The following IST1 variants were observed in gnomAD, a reference collection of about 807,000 sequenced individuals.
IST1 encodes the protein IST1 homolog.
In IST1, 23 loss-of-function variants were observed where a neutral mutation model predicts 37.0. That is an observed-to-expected ratio of 0.62 (90% confidence interval 0.45 to 0.88). The LOEUF is 0.88. IST1 is among the 40% of genes least tolerant of loss of function. IST1 has a pLI of 0.00. For synonymous variants in IST1, 180 were observed against 161.7 expected, an observed-to-expected ratio of 1.11 and a Z score of -0.86; for missense variants, 488 against 445.4, an observed-to-expected ratio of 1.10 and a Z score of -0.86.
intron 1 of IST1, among the ~76,000 whole-genome samples, chr16:71,911,864 G>A (rs1052269253): frequency 4.0e-5 from 6 of 151,800 alleles, no homozygotes; most frequent in Admixed American, 2.0e-4. Context: ...CTACAGGCTC[G>A]CACCACCATG....
intron 1 of IST1, among the ~76,000 whole-genome samples, chr16:71,911,130 A>G (rs1485339983): frequency 6.6e-6 from 1 of 152,106 alleles, no homozygotes; most frequent in Admixed American, 6.6e-5. Context: ...AATCTCAGTT[A>G]CTTGGGAGGC....
At chr16:71,909,037 C>G (rs2037291944) in intron 1 of IST1, among the ~76,000 whole-genome samples, 1 of 149,546 alleles carries the variant, frequency 6.7e-6, no homozygotes, top group Non-Finnish European at 1.5e-5. Flanking sequence ...TTAAGTACAG[C>G]TGTTTAATTT....
At chr16:71,921,721 G>A (rs1463449293) in intron 6 of IST1, 5 of 365,890 alleles carry the variant, frequency 1.4e-5, no homozygotes, top group African/African-American at 1.0e-4. Flanking sequence ...CAGGAATTGA[G>A]AAACCTCCTG....
At chr16:71,927,228 G>T (rs536459823) in intron 9 of IST1, among the ~76,000 whole-genome samples, 1 of 151,980 alleles carries the variant, frequency 6.6e-6, no homozygotes, top group Non-Finnish European at 1.5e-5. Flanking sequence ...AGCCAGATGC[G>T]GTGGCTCACA....
chr16:71,918,723 G>A (rs781438097), intron 4 of IST1, among the ~76,000 whole-genome samples: 2 of 151,992 alleles, frequency 1.3e-5, no homozygotes, highest in South Asian at 2.1e-4. Flanking sequence ...GCCGTTTTTG[G>A]TCTCTTCTGT....
intron 1 of IST1, among the ~76,000 whole-genome samples, chr16:71,907,095 T>G (rs1002628198): frequency 6.6e-6 from 1 of 152,300 alleles, no homozygotes; most frequent in South Asian, 2.1e-4. Flanking sequence ...TTCTTTGTAT[T>G]TTGTCTGATT....
intron 5 of IST1, chr16:71,921,057 T>C (rs564605298): frequency 1.1e-4 from 68 of 608,998 alleles, no homozygotes; most frequent in African/African-American, 1.1e-3. Context: ...CTCGTGTCAT[T>C]TGTGAAGGTT....
chr16:71,923,381 G>C lies in IST1; in HGVS notation c.852+1G>C. On this transcript the variant is annotated splice_donor_variant, in intron 8 of 9. Transcript: ENST00000378799. LOFTEE classifies it high-confidence loss of function. ...AGCAACTCCCCCATCGTATGAATCT[G>C]TAAGTGCCTGAGCCTCTTTTATAAG... is the stretch of plus-strand genomic sequence containing the variant. 1 of 1,584,668 alleles carries C rather than the reference G, an allele frequency of 6.3e-7. No individual in the cohort carries two copies. The highest frequency in any genetic ancestry group is 8.7e-7 in the Non-Finnish European group (1 of 1,153,634).
At chr16:71,923,008 G>A (rs1016760346) in intron 7 of IST1, 6 of 475,490 alleles carry the variant, frequency 1.3e-5, no homozygotes, top group African/African-American at 2.0e-5. Flanking sequence ...AACAACCTTT[G>A]TAGATAAGAT....
At chr16:71,894,784 C>CCCCCAAGCGATCCT, upstream of IST1, 1 of 1,445,052 alleles carries the variant, frequency 6.9e-7, no homozygotes, top group Non-Finnish European at 9.4e-7. Context: ...GATCCTCCCG[C>CCCCCAAGCGATCCT]CCCGCCTCTC....
chr16:71,917,204 A>C (rs553160508), intron 4 of IST1, 70 bp downstream of exon 4: 1 of 889,724 alleles, frequency 1.1e-6, no homozygotes. Flanking sequence ...AATATAAGTT[A>C]CTTCTGCTGA....
Position 71,931,045 on chromosome 16 carries a change from A to T in IST1, c.*3232A>T, listed in dbSNP as rs778030431. The T allele has an allele frequency of 6.6e-6, 1 of 152,092 alleles. No homozygotes were observed. Among genetic ancestry groups the T allele is most frequent in the Admixed American group, 6.5e-5 (1 of 15,274 alleles). 9.4% of individuals were successfully genotyped at this position (152,092 alleles called of 1,614,324 possible). On this transcript the variant is annotated 3_prime_UTR_variant, in exon 10 of 10. Coordinates refer to ENST00000378799, the MANE Select transcript of IST1 (RefSeq NM_001270975.2). ...TTGTGATACAAGACTTATTTCCAAT[A>T]AGTTTATTTTTATGTACAATTTTAC...
At chr16:71,894,678 G>A (rs2036928125), upstream of IST1, 6 of 581,826 alleles carry the variant, frequency 1.0e-5, no homozygotes, top group Non-Finnish European at 1.5e-5. Context: ...AGTGCTCACT[G>A]CTGCTCCCCT....
intron 2 of IST1, among the ~76,000 whole-genome samples, chr16:71,916,240 C>T (rs1272189809): frequency 6.6e-6 from 1 of 152,188 alleles, no homozygotes; most frequent in Non-Finnish European, 1.5e-5. Flanking sequence ...GGCATTAGGT[C>T]ACCTGACTCT....
intron 1 of IST1, among the ~76,000 whole-genome samples, chr16:71,901,052 T>C (rs1014389690): frequency 2.6e-5 from 4 of 152,230 alleles, no homozygotes; most frequent in Admixed American, 1.3e-4. Context: ...TGTTTGTTAA[T>C]GTATATATGA....
At position 71,907,523 on chromosome 16, in the gene IST1, C is replaced by T. The variant is rs149281016; in HGVS notation, c.-15-8103C>T. 9.4e-3 allele frequency among the ~76,000 whole-genome samples: 1,437 copies of T among 152,182 alleles called. 27 individuals are homozygous for T. Among genetic ancestry groups the T allele is most frequent in the African/African-American group, 0.032 (1,338 of 41,518 alleles). On this transcript the variant is annotated intron_variant, in intron 1 of 9. Transcript: ENST00000378799. Reference sequence around the variant, plus strand: ...CGATCTTTTGACCTCGTGATCCGCCCGCCTCGGCTTCCCAAAGTGCTGGGA... The same window carrying T: ...CGATCTTTTGACCTCGTGATCCGCCTGCCTCGGCTTCCCAAAGTGCTGGGA...
intron 1 of IST1, among the ~76,000 whole-genome samples, chr16:71,896,985 AAG>A (rs919330016): frequency 1.3e-4 from 19 of 151,022 alleles, no homozygotes; most frequent in Non-Finnish European, 2.2e-4. Flanking sequence ...GAAAAAAAAA[AAG>A]AAATTAAAAC....
At chr16:71,915,572 G>A in intron 1 of IST1, 54 bp from the exon 2 acceptor site, 1 of 1,251,916 alleles carries the variant, frequency 8.0e-7, no homozygotes, top group African/African-American at 1.5e-5. Flanking sequence ...AGAGGTGTTA[G>A]TTCCTGAACT....
In IST1 at chr16:71,927,769, G is replaced by A. The variant is rs2037784501; in HGVS notation, c.1057G>A (p.Asp353Asn). The change falls in exon 10 of 10, where the codon GAT (aspartate) becomes AAT (asparagine). Residue 353 changes from aspartate to asparagine, a missense_variant. Transcript: ENST00000378799. ...CTCAGCATCTGAAGACATTGACTTT[G>A]ATGATCTTTCCCGGAGGTTTGAAGA... ...STSASEDIDF[D>N]DLSRRFEELK... 6.2e-7 allele frequency: 1 copy of A among 1,613,980 alleles called. No homozygotes were observed. Among genetic ancestry groups the A allele is most frequent in the Non-Finnish European group, 8.5e-7 (1 of 1,179,976 alleles).
Sources: allele counts gnomAD v4.1 joint callset (sites outside exome capture counted in the v4.1 genomes callset), GRCh38; gene constraint gnomAD v4.1.1; transcripts MANE v1.5; gene names NCBI Gene and HGNC (gene_info 2026-07-23, HGNC 2026-07-21).